The following CEP70 variants were observed in gnomAD, a reference collection of about 807,000 sequenced individuals.
CEP70 encodes the protein centrosomal protein of 70 kDa.
Under a neutral mutation model 90.9 loss-of-function variants are expected in CEP70, and 70 were observed. The ratio of observed to expected loss-of-function variants is 0.77; its 90% CI spans 0.64 to 0.94. The LOEUF (loss-of-function observed/expected upper bound fraction) is 0.94. CEP70 is among the 40% of genes least tolerant of loss of function. The pLI is 0.00. For missense variants in CEP70, 648 were observed against 669.0 expected (o/e 0.97, Z 0.35); for synonymous variants, 220 against 228.3 (o/e 0.96, Z 0.33).
At position 138,580,413 on chromosome 3, in the gene CEP70, C is replaced by T. The variant is rs147482170; in HGVS notation, c.-5-7481G>A. Among the ~76,000 whole-genome samples, 864 of 152,264 alleles carry T rather than the reference C, an allele frequency of 5.7e-3. 6 individuals carry two copies. The highest frequency in any genetic ancestry group is 0.02 in the African/African-American group (826 of 41,566). On this transcript the variant is annotated intron_variant, in intron 2 of 17. Transcript: ENST00000264982. Reference sequence around the variant, plus strand: ...TATTCCAGATCTTGTCCAAGACCAGCAAGGTGGCAACTCTGTAAGTCTGCA... The same window carrying T: ...TATTCCAGATCTTGTCCAAGACCAGTAAGGTGGCAACTCTGTAAGTCTGCA...
intron 7 of CEP70, among the ~76,000 whole-genome samples, chr3:138,534,569 T>C (rs992818814): frequency 2.0e-5 from 3 of 152,170 alleles, no homozygotes; most frequent in Non-Finnish European, 4.4e-5. Flanking sequence ...AATAAAATAG[T>C]GGGAAAGTAA....
chr3:138,532,881 A>G (rs1020864031), intron 7 of CEP70, among the ~76,000 whole-genome samples: 9 of 152,260 alleles, frequency 5.9e-5, no homozygotes, highest in African/African-American at 1.7e-4. Flanking sequence ...ATGCAACTCA[A>G]TATGAACAAA....
Position 138,529,481 on chromosome 3 carries a change from A to C in CEP70, c.693-19T>G. ...ATATTGCCTATGAAAATATGTATGCAGTATACTTATGAAAAATCTATCTTC... is the reference window on the plus strand; with the variant it reads ...ATATTGCCTATGAAAATATGTATGCCGTATACTTATGAAAAATCTATCTTC... On this transcript the variant is annotated intron_variant, in intron 8 of 17. Coordinates refer to ENST00000264982, the MANE Select transcript of CEP70 (RefSeq NM_024491.4). 1 of 1,433,790 alleles carries C rather than the reference A, an allele frequency of 7.0e-7. No homozygotes were observed. The highest frequency in any genetic ancestry group is 9.7e-7 in the Non-Finnish European group (1 of 1,036,256). 88.8% of individuals were successfully genotyped at this position (1,433,790 alleles called of 1,614,324 possible). A position where few individuals can be genotyped will look rare whatever the true frequency, so the allele number is the denominator to read the frequency against.
At chr3:138,544,290 G>A (rs1322903132) in intron 6 of CEP70, among the ~76,000 whole-genome samples, 1 of 150,478 alleles carries the variant, frequency 6.6e-6, no homozygotes, top group Non-Finnish European at 1.5e-5. Flanking sequence ...AAGGAAGACA[G>A]TAAAAAAGGA....
chr3:138,553,866 A>G (rs530206578), intron 6 of CEP70, among the ~76,000 whole-genome samples: 1 of 152,284 alleles, frequency 6.6e-6, no homozygotes, highest in East Asian at 1.9e-4. Flanking sequence ...AAAAATAAAA[A>G]TCACATGATC....
rs144299895 is a variant in CEP70, at chr3:138,576,770, G to A, written c.-5-3838C>T. 4.8e-3 allele frequency among the ~76,000 whole-genome samples: 727 copies of A among 152,286 alleles called. 4 individuals carry two copies. The highest frequency in any genetic ancestry group is 0.017 in the African/African-American group (700 of 41,562). On this transcript the variant is annotated intron_variant, in intron 2 of 17. Coordinates refer to ENST00000264982, the MANE Select transcript of CEP70 (RefSeq NM_024491.4). ...AAACTGTCTCTCAGACCACAGTGCA[G>A]TCAAATTAGAACTCAGGATTAAGAA...
chr3:138,547,373 C>T (rs2039291654), intron 6 of CEP70, among the ~76,000 whole-genome samples: 1 of 152,240 alleles, frequency 6.6e-6, no homozygotes. Flanking sequence ...CTGCTTATGA[C>T]TTCCACCAAC....
At chr3:138,540,416 G>A (rs1297116119) in intron 6 of CEP70, among the ~76,000 whole-genome samples, 3 of 151,232 alleles carry the variant, frequency 2.0e-5, no homozygotes, top group African/African-American at 7.3e-5. Context: ...GCTTGAACCT[G>A]GAGGTTGCAG....
At chr3:138,499,544 T>C (rs2034283897) in intron 16 of CEP70, among the ~76,000 whole-genome samples, 1 of 152,240 alleles carries the variant, frequency 6.6e-6, no homozygotes, top group Admixed American at 6.5e-5. Context: ...CCTGACCTTC[T>C]TTATAGGCCT....
chr3:138,544,643 T>C (rs535819821), intron 6 of CEP70, among the ~76,000 whole-genome samples: 1 of 152,158 alleles, frequency 6.6e-6, no homozygotes, highest in South Asian at 2.1e-4. Context: ...ACAGCCAAAA[T>C]ATGAATTCAA....
At chr3:138,570,547 G>C (rs772822197) in intron 5 of CEP70, 49 bp from the exon 6 acceptor site, 2 of 1,401,768 alleles carry the variant, frequency 1.4e-6, no homozygotes, top group African/African-American at 1.5e-5. Flanking sequence ...AAAATAAATC[G>C]AATTACCAAG....
intron 6 of CEP70, among the ~76,000 whole-genome samples, chr3:138,559,909 C>G (rs1263402155): frequency 6.6e-6 from 1 of 152,058 alleles, no homozygotes. Flanking sequence ...TAATTCTATA[C>G]CCAGTGAAAA....
chr3:138,559,038 G>A (rs1243484961), intron 6 of CEP70, among the ~76,000 whole-genome samples: 6 of 152,060 alleles, frequency 3.9e-5, no homozygotes, highest in Non-Finnish European at 8.8e-5. Flanking sequence ...CCCAAAATCA[G>A]ACACAGATTT....
chr3:138,566,369 C>T (rs2040789412), intron 6 of CEP70, among the ~76,000 whole-genome samples: 3 of 152,280 alleles, frequency 2.0e-5, no homozygotes, highest in Middle Eastern at 3.4e-3. Context: ...ACTATAAAGA[C>T]ACATGCACAC....
chr3:138,552,899 T>C (rs1469386772), intron 6 of CEP70, among the ~76,000 whole-genome samples: 1 of 152,032 alleles, frequency 6.6e-6, no homozygotes, highest in Admixed American at 6.6e-5. Flanking sequence ...AGCTGGTTCC[T>C]TGAAAAGATA....
intron 11 of CEP70, among the ~76,000 whole-genome samples, chr3:138,510,337 G>A (rs1218475714): frequency 6.6e-6 from 1 of 152,008 alleles, no homozygotes; most frequent in Non-Finnish European, 1.5e-5. Context: ...GGAGGCTGAG[G>A]CAAAAGAATC....
At chr3:138,522,725 ATAAT>A (rs761385377) in intron 11 of CEP70, among the ~76,000 whole-genome samples, 60 of 152,340 alleles carry the variant, frequency 3.9e-4, no homozygotes, top group Non-Finnish European at 7.2e-4. Flanking sequence ...AATTGAGGCA[ATAAT>A]TAATAGCTTA....
intron 6 of CEP70, among the ~76,000 whole-genome samples, chr3:138,566,069 GA>G (rs1560425136): frequency 6.6e-6 from 1 of 152,076 alleles, no homozygotes; most frequent in Non-Finnish European, 1.5e-5. Flanking sequence ...ACAAACATAT[GA>G]AAAAAAGCTC....
At chr3:138,592,071 G>C (rs2042410421) in intron 1 of CEP70, 115 bp from the exon 2 acceptor site, 2 of 517,616 alleles carry the variant, frequency 3.9e-6, no homozygotes. Context: ...CACAGATAAA[G>C]CAGGCACAAC....
Sources: allele counts gnomAD v4.1 joint callset (sites outside exome capture counted in the v4.1 genomes callset), GRCh38; gene constraint gnomAD v4.1.1; transcripts MANE v1.5; gene names NCBI Gene and HGNC (gene_info 2026-07-23, HGNC 2026-07-21).